The following XYLT1 variants were observed in gnomAD, a reference collection of about 807,000 sequenced individuals.
The protein encoded by XYLT1 is beta-D-xylosyltransferase 1.
Under a neutral mutation model 91.3 loss-of-function variants are expected in XYLT1, and 36 were observed. The ratio of observed to expected loss-of-function variants is 0.39; its 90% CI spans 0.30 to 0.52. The LOEUF (loss-of-function observed/expected upper bound fraction) is 0.52, where lower values mean the gene tolerates loss of function less well. Ranked by LOEUF, XYLT1 falls within the 20% of genes least tolerant of loss-of-function variation. XYLT1 has a pLI of 0.68. For synonymous variants in XYLT1, 588 were observed against 532.0 expected (o/e 1.11, Z -1.45); for missense variants, 1,242 against 1,284.5 (o/e 0.97, Z 0.51).
intron 3 of XYLT1, among the ~76,000 whole-genome samples, chr16:17,252,231 G>A (rs1456141085): frequency 2.0e-5 from 3 of 152,104 alleles, no homozygotes; most frequent in African/African-American, 4.8e-5. Flanking sequence ...AGCCAACCAC[G>A]CTATAAAGAC....
chr16:17,436,904 A>G (rs1033625318), intron 1 of XYLT1, among the ~76,000 whole-genome samples: 1 of 152,242 alleles, frequency 6.6e-6, no homozygotes, highest in African/African-American at 2.4e-5. Flanking sequence ...ACTGGGTAAC[A>G]TATGGGTTTC....
intron 10 of XYLT1, among the ~76,000 whole-genome samples, chr16:17,122,997 G>T (rs1031720930): frequency 6.6e-6 from 1 of 152,118 alleles, no homozygotes; most frequent in East Asian, 1.9e-4. Flanking sequence ...TATGCTTTAA[G>T]GTTGGGTAAT....
At chr16:17,369,095 G>T (rs1181427540) in intron 1 of XYLT1, among the ~76,000 whole-genome samples, 3 of 149,588 alleles carry the variant, frequency 2.0e-5, no homozygotes, top group African/African-American at 4.9e-5. Context: ...CTTGGATGTG[G>T]TATGGTGTGA....
At chr16:17,191,806 A>T (rs966961114) in intron 5 of XYLT1, among the ~76,000 whole-genome samples, 1 of 152,232 alleles carries the variant, frequency 6.6e-6, no homozygotes, top group African/African-American at 2.4e-5. Context: ...TCTGCAGTTA[A>T]TGTAACTTAC....
At chr16:17,466,139 C>A (rs1283278517) in intron 1 of XYLT1, among the ~76,000 whole-genome samples, 1 of 152,162 alleles carries the variant, frequency 6.6e-6, no homozygotes, top group Non-Finnish European at 1.5e-5. Flanking sequence ...TTCCCCAAGG[C>A]ATTTTCTCTT....
intron 2 of XYLT1, among the ~76,000 whole-genome samples, chr16:17,350,821 G>A (rs1345706274): frequency 1.3e-5 from 2 of 152,148 alleles, no homozygotes; most frequent in Non-Finnish European, 2.9e-5. Context: ...GAAGAACGGA[G>A]AGGAGACAGC....
chr16:17,273,919 C>T (rs189594366), intron 2 of XYLT1, among the ~76,000 whole-genome samples: 5 of 150,984 alleles, frequency 3.3e-5, no homozygotes, highest in Non-Finnish European at 5.9e-5. Flanking sequence ...GTCAGTCATT[C>T]GTTTATTTTG....
intron 2 of XYLT1, among the ~76,000 whole-genome samples, chr16:17,352,851 T>C (rs1388670792): frequency 2.0e-5 from 3 of 152,238 alleles, no homozygotes; most frequent in African/African-American, 7.2e-5. Context: ...GAAACTTCTG[T>C]TTTTCTCTGC....
At chr16:17,298,240 C>A (rs916035596) in intron 2 of XYLT1, among the ~76,000 whole-genome samples, 1 of 152,084 alleles carries the variant, frequency 6.6e-6, no homozygotes. Context: ...GGTGTCACAT[C>A]TAGTGGGGGC....
chr16:17,145,760 G>C (rs1298083387), intron 6 of XYLT1, among the ~76,000 whole-genome samples: 3 of 152,214 alleles, frequency 2.0e-5, no homozygotes, highest in Admixed American at 6.5e-5. Context: ...ACCATGATGT[G>C]TGGGGAGGTT....
intron 2 of XYLT1, among the ~76,000 whole-genome samples, chr16:17,342,409 A>G (rs1234690454): frequency 6.6e-6 from 1 of 151,696 alleles, no homozygotes; most frequent in African/African-American, 2.4e-5. Context: ...TCTCATCGCC[A>G]TCTGACATGA....
intron 2 of XYLT1, among the ~76,000 whole-genome samples, chr16:17,273,562 C>T (rs1023555807): frequency 5.9e-5 from 9 of 152,234 alleles, no homozygotes; most frequent in South Asian, 2.1e-4. Flanking sequence ...TTGAGAAGTA[C>T]GCCAGGCATG....
intron 1 of XYLT1, among the ~76,000 whole-genome samples, chr16:17,443,850 A>G (rs1041663884): frequency 2.0e-5 from 3 of 152,164 alleles, no homozygotes; most frequent in Admixed American, 6.5e-5. Context: ...TCTTTTTGAA[A>G]GCTCAAAGCT....
At position 17,104,770 on chromosome 16, in the gene XYLT1, A is replaced by C. The variant is rs1022211468; in HGVS notation, c.*3925T>G. ...ACACTGTGCTTACATTTTTACAAAC[A>C]ATGACAGGTTGGGGCTGAGTAGCAG... On this transcript the variant is annotated 3_prime_UTR_variant, in exon 12 of 12. Coordinates refer to ENST00000261381, the MANE Select transcript of XYLT1 (RefSeq NM_022166.4). 2.0e-5 allele frequency: 3 copies of C among 152,200 alleles called. No homozygotes were observed. The highest frequency in any genetic ancestry group is 2.9e-5 in the Non-Finnish European group (2 of 68,044). 9.4% of individuals were successfully genotyped at this position (152,200 alleles called of 1,614,324 possible).
intron 2 of XYLT1, among the ~76,000 whole-genome samples, chr16:17,271,431 G>C (rs1009159943): frequency 2.0e-5 from 3 of 152,006 alleles, no homozygotes; most frequent in Admixed American, 6.6e-5. Flanking sequence ...GAGAGACACA[G>C]AGCAAGAGAC....
At chr16:17,220,378 C>T (rs993947348) in intron 3 of XYLT1, among the ~76,000 whole-genome samples, 40 of 152,296 alleles carry the variant, frequency 2.6e-4, no homozygotes, top group African/African-American at 8.9e-4. Context: ...GCCACCTAGG[C>T]GTTCTCATAT....
intron 3 of XYLT1, among the ~76,000 whole-genome samples, chr16:17,258,761 T>C (rs1015164751): frequency 6.6e-6 from 1 of 152,160 alleles, no homozygotes; most frequent in East Asian, 1.9e-4. Flanking sequence ...ATAAAGGCAA[T>C]GGGTTAAAGC....
At chr16:17,154,600 G>A (rs2031361011) in intron 6 of XYLT1, among the ~76,000 whole-genome samples, 2 of 152,200 alleles carry the variant, frequency 1.3e-5, no homozygotes, top group South Asian at 4.1e-4. Context: ...TGCTGAGGCT[G>A]CCTGGGAAAA....
At chr16:17,377,370 C>A (rs2035616656) in intron 1 of XYLT1, among the ~76,000 whole-genome samples, 1 of 152,178 alleles carries the variant, frequency 6.6e-6, no homozygotes, top group South Asian at 2.1e-4. Flanking sequence ...AACCCCCTGT[C>A]CTCAGCTAGA....
Sources: gnomAD v4.1 joint callset for allele counts (sites outside exome capture counted in the v4.1 genomes callset) on GRCh38, gnomAD v4.1.1 for gene constraint, MANE v1.5 for transcripts, NCBI Gene and HGNC (gene_info 2026-07-23, HGNC 2026-07-21) for gene names.